Variants in VPS8 observed in about 807,000 individuals in gnomAD.
The protein encoded by VPS8 is vacuolar protein sorting-associated protein 8 homolog.
Under a neutral mutation model 216.4 loss-of-function variants are expected in VPS8, and 129 were observed. The observed-to-expected ratio is 0.60, with a 90% CI of 0.52 to 0.69. The LOEUF is 0.69. Among genes scored for constraint, VPS8 ranks in the 30% least tolerant of loss-of-function variants. The probability of loss-of-function intolerance (pLI) is 0.00; values close to 1 mark genes in which losing one functional copy is unlikely to be tolerated. For missense variants in VPS8, 1,531 were observed against 1,683.5 expected (o/e 0.91, Z 1.59); for synonymous variants, 571 against 565.4 (o/e 1.01, Z -0.14).
chr3:185,001,037 C>G (rs1753350416), intron 45 of VPS8, among the ~76,000 whole-genome samples: 1 of 152,194 alleles, frequency 6.6e-6, no homozygotes, highest in Non-Finnish European at 1.5e-5. Flanking sequence ...TATACCTTCC[C>G]CAAGTTTGTA....
At chr3:184,882,306 T>TTTTCTATGTAA (rs1315281590) in intron 21 of VPS8, 1 of 436,284 alleles carries the variant, frequency 2.3e-6, no homozygotes, top group Non-Finnish European at 4.6e-6. Flanking sequence ...GTCAGTTGCT[T>TTTTCTATGTAA]TTTCTATGTA....
rs1577724765 is a variant in VPS8 at position 184,824,551 on chromosome 3, T to A, written c.-82T>A. ...TTTTTCTTTTTTTGAAAAGAGATAA[T>A]CATTCAGGTCTTCGTGAGCTAAGGC... On this transcript the variant is annotated 5_prime_UTR_variant, in exon 2 of 48. Coordinates refer to ENST00000625842, the MANE Select transcript of VPS8 (RefSeq NM_001009921.3). 2 of 1,394,824 alleles carry A rather than the reference T, an allele frequency of 1.4e-6. No individual in the cohort carries two copies. Among genetic ancestry groups the A allele is most frequent in the East Asian group, 4.6e-5 (2 of 43,342 alleles). 86.4% of individuals were successfully genotyped at this position (1,394,824 alleles called of 1,614,324 possible). A position where few individuals can be genotyped will look rare whatever the true frequency, so the allele number is the denominator to read the frequency against.
In VPS8 at chr3:184,854,551, G is replaced by A. The variant is rs560445908; in HGVS notation, c.1035+378G>A. Reference sequence around the variant, plus strand: ...TCCTAGCTTCATTCGTTGCCCTTCTGAGTGCAGTAAAATTCCCTTATCAGA... The same window carrying A: ...TCCTAGCTTCATTCGTTGCCCTTCTAAGTGCAGTAAAATTCCCTTATCAGA... On this transcript the variant is annotated intron_variant, in intron 13 of 47. Coordinates refer to ENST00000625842, the MANE Select transcript of VPS8 (RefSeq NM_001009921.3). Among the ~76,000 whole-genome samples the A allele has an allele frequency of 2.0e-5, 3 of 152,278 alleles. No homozygotes were observed. In the East Asian group the frequency reaches 5.8e-4, roughly 29 times the overall value.
chr3:184,988,168 A>C (rs1194622558), intron 42 of VPS8, among the ~76,000 whole-genome samples: 2 of 152,196 alleles, frequency 1.3e-5, no homozygotes, highest in East Asian at 3.8e-4. Context: ...TTTGCTTTTA[A>C]TGAAGTCTAG....
intron 42 of VPS8, among the ~76,000 whole-genome samples, chr3:184,986,533 C>T (rs573394196): frequency 2.0e-5 from 3 of 152,260 alleles, no homozygotes; most frequent in African/African-American, 4.8e-5. Flanking sequence ...CCCCGTGCTC[C>T]TCTTCCCCCT....
intron 1 of VPS8, chr3:184,812,535 A>T (rs763543103): frequency 1.3e-5 from 2 of 152,238 alleles, no homozygotes; most frequent in Non-Finnish European, 2.9e-5. Flanking sequence ...AAAGGGATTT[A>T]TTGGCTCCAA....
intron 20 of VPS8, among the ~76,000 whole-genome samples, chr3:184,869,747 A>G (rs1560463382): frequency 6.6e-6 from 1 of 152,102 alleles, no homozygotes; most frequent in Non-Finnish European, 1.5e-5. Context: ...AAGATTAGCC[A>G]GGTATGGTGG....
Position 184,824,575 on chromosome 3 carries a change from G to T in VPS8, c.-58G>T. ...ATCATTCAGGTCTTCGTGAGCTAAGGCCAAACAAACAAAAAACACTTGCTT... is the reference window on the plus strand; with the variant it reads ...ATCATTCAGGTCTTCGTGAGCTAAGTCCAAACAAACAAAAAACACTTGCTT... On this transcript the variant is annotated 5_prime_UTR_variant, in exon 2 of 48. Transcript: ENST00000625842. 1 of 1,555,390 alleles carries T rather than the reference G, an allele frequency of 6.4e-7. No homozygotes were observed.
chr3:184,930,348 T>C, intron 33 of VPS8, 122 bp from the exon 34 acceptor site: 1 of 587,622 alleles, frequency 1.7e-6, no homozygotes, highest in South Asian at 3.1e-5. Context: ...TTTCCATCAG[T>C]TAACTATCTC....
intron 23 of VPS8, among the ~76,000 whole-genome samples, chr3:184,897,917 C>T (rs1392235151): frequency 6.6e-6 from 1 of 152,080 alleles, no homozygotes; most frequent in Non-Finnish European, 1.5e-5. Flanking sequence ...GTCCTTCATC[C>T]TCACTCTTGC....
Position 184,860,794 on chromosome 3 carries a change from A to G in VPS8, c.1224+729A>G, listed in dbSNP as rs181316538. Among the ~76,000 whole-genome samples, 434 of 148,526 alleles carry G rather than the reference A, an allele frequency of 2.9e-3. 2 individuals are homozygous for G. The highest frequency in any genetic ancestry group is 0.011 in the African/African-American group (429 of 40,526). The stretch of plus-strand genomic sequence containing the variant: ...AAAAACTTTGCAGAGCTCTCTTTCT[A>G]CCATGCATCTCAATCCTGAGTGACT... On this transcript the variant is annotated intron_variant, in intron 15 of 47. Coordinates refer to ENST00000625842, the MANE Select transcript of VPS8 (RefSeq NM_001009921.3).
intron 37 of VPS8, among the ~76,000 whole-genome samples, chr3:184,960,464 A>C (rs898310687): frequency 1.2e-4 from 19 of 152,222 alleles, no homozygotes; most frequent in Non-Finnish European, 2.6e-4. Flanking sequence ...AGTTTAACAT[A>C]ATAACCCAAA....
chr3:184,966,208 A>G (rs1279529274), intron 38 of VPS8, among the ~76,000 whole-genome samples: 1 of 152,088 alleles, frequency 6.6e-6, no homozygotes, highest in African/African-American at 2.4e-5. Flanking sequence ...GCTCTTTTAA[A>G]CATCCAGCTC....
rs192591167 is a variant in VPS8, at chr3:184,830,480, A to G, written c.223-2209A>G. Among the ~76,000 whole-genome samples, 18 of 152,132 alleles carry G rather than the reference A, an allele frequency of 1.2e-4. No homozygotes were observed. The East Asian group carries it at 3.1e-3, about 26-fold the overall frequency. On this transcript the variant is annotated intron_variant, in intron 3 of 47. Transcript: ENST00000625842. ...CACACACACACACACACACACACAC[A>G]CAAATCAGCTGAAATTTGAAAGGAT...
At position 184,894,778 on chromosome 3, in the gene VPS8, T is replaced by C. The variant is rs759073690; in HGVS notation, c.1857T>C (p.Leu619=). The C allele has an allele frequency of 3.7e-6, 6 of 1,610,192 alleles. No homozygotes were observed. In the Admixed American group the frequency reaches 8.4e-5, roughly 23 times the overall value. ...CCAAAGGAGTATTTTTGGAGTGCCTTGAGCCATATATTTTAAGTGATAAAT... is the reference window on the plus strand; with the variant it reads ...CCAAAGGAGTATTTTTGGAGTGCCTCGAGCCATATATTTTAAGTGATAAAT... ...SVAKGVFLEC[L]EPYILSDKLV... Residue 619 remains leucine (L), a synonymous_variant, in exon 23 of 48, where the codon CTT becomes CTC. Coordinates refer to ENST00000625842, the MANE Select transcript of VPS8 (RefSeq NM_001009921.3).
intron 22 of VPS8, among the ~76,000 whole-genome samples, chr3:184,888,727 A>G (rs1227689072): frequency 6.6e-6 from 1 of 152,190 alleles, no homozygotes; most frequent in African/African-American, 2.4e-5. Context: ...AATTGAGATA[A>G]TTTATAAATG....
At chr3:185,047,872 C>T (rs906142140) in intron 46 of VPS8, among the ~76,000 whole-genome samples, 1 of 152,136 alleles carries the variant, frequency 6.6e-6, no homozygotes, top group South Asian at 2.1e-4. Flanking sequence ...CCCATTTCTT[C>T]TCTCTGCATA....
In VPS8 at chr3:184,982,293, C is replaced by T. The variant is rs549763613; in HGVS notation, c.3421-273C>T. The T allele has an allele frequency of 1.9e-4, 71 of 374,590 alleles. 1 individual carries two copies. The South Asian group carries it at 3.1e-3, about 16-fold the overall frequency. 23.2% of individuals were successfully genotyped at this position (374,590 alleles called of 1,614,324 possible). A position where few individuals can be genotyped will look rare whatever the true frequency, so the allele number is the denominator to read the frequency against. On this transcript the variant is annotated intron_variant, in intron 40 of 47. Coordinates refer to ENST00000625842, the MANE Select transcript of VPS8 (RefSeq NM_001009921.3). ...CCTGAGACACATAAGATTGCAGTTC[C>T]GAGGCCTAGACTTACTTAACAGTGG...
At chr3:184,992,859 G>A (rs1479127913) in intron 42 of VPS8, among the ~76,000 whole-genome samples, 2 of 152,084 alleles carry the variant, frequency 1.3e-5, no homozygotes, top group African/African-American at 4.8e-5. Flanking sequence ...AGAGCAATTT[G>A]GCAGTATATA....
Sources: gnomAD v4.1 joint callset for allele counts (sites outside exome capture counted in the v4.1 genomes callset) on GRCh38, gnomAD v4.1.1 for gene constraint, MANE v1.5 for transcripts, NCBI Gene and HGNC (gene_info 2026-07-23, HGNC 2026-07-21) for gene names.